Variants in DRC11 observed in about 807,000 individuals in gnomAD.
The protein encoded by DRC11 is IQ and AAA domain-containing protein 1.
At chr2:236,431,808 A>G in the DRC11 span, among the ~76,000 whole-genome samples, 1 of 152,190 alleles carries the variant, frequency 6.6e-6, no homozygotes, top group Non-Finnish European at 1.5e-5. This position sits in a 1 kb window ranked among gnomAD's most constrained non-coding sequence, Gnocchi z 4.2. Context: ...TGGATATACC[A>G]TATTTTACCT....
the DRC11 span, among the ~76,000 whole-genome samples, chr2:236,330,556 A>T: frequency 4.4e-3 from 676 of 152,314 alleles, 4 homozygotes; most frequent in Non-Finnish European, 7.3e-3. This position sits in a 1 kb window ranked among gnomAD's most constrained non-coding sequence, Gnocchi z 5.5. Flanking sequence ...TGGAAAAGTG[A>T]TGTGTTGCAG....
the DRC11 span, among the ~76,000 whole-genome samples, chr2:236,468,844 G>A: frequency 6.6e-6 from 1 of 152,182 alleles, no homozygotes; most frequent in Non-Finnish European, 1.5e-5. Flanking sequence ...TATTAATAAT[G>A]TCACAATTAT....
chr2:236,459,680 T>TAC, the DRC11 span, among the ~76,000 whole-genome samples: 1 of 122,028 alleles, frequency 8.2e-6, no homozygotes, highest in Non-Finnish European at 1.9e-5. Context: ...TACGTATATA[T>TAC]GTATATACAT....
At chr2:236,357,025 ATATATT>A in the DRC11 span, among the ~76,000 whole-genome samples, 7 of 111,608 alleles carry the variant, frequency 6.3e-5, 2 homozygotes, top group South Asian at 2.4e-4. Flanking sequence ...TTATATATCT[ATATATT>A]TATATATTCA....
At chr2:236,492,298 A>C in the DRC11 span, among the ~76,000 whole-genome samples, 5 of 152,212 alleles carry the variant, frequency 3.3e-5, no homozygotes, top group Non-Finnish European at 7.3e-5. Flanking sequence ...GCAGGTATGT[A>C]AGGGAGAAGA....
At chr2:236,351,503 C>CTGT in the DRC11 span, among the ~76,000 whole-genome samples, 1 of 152,132 alleles carries the variant, frequency 6.6e-6, no homozygotes, top group African/African-American at 2.4e-5. This position sits in a 1 kb window ranked among gnomAD's most constrained non-coding sequence, Gnocchi z 7.3. Flanking sequence ...TGGAAGGGGT[C>CTGT]AGAAAAGTGC....
chr2:236,488,259 T>A, the DRC11 span: 1 of 1,169,354 alleles, frequency 8.6e-7, no homozygotes, highest in Non-Finnish European at 1.2e-6. Context: ...CCCAGACACA[T>A]CACATGCTTA....
chr2:236,380,526 G>A, the DRC11 span: 1 of 1,467,996 alleles, frequency 6.8e-7, no homozygotes, highest in Non-Finnish European at 9.3e-7. The surrounding 1 kb of genome is among the most constrained non-coding windows in gnomAD (Gnocchi z 4.9). Flanking sequence ...CTGTTCTCTG[G>A]GGCTGCTCAC....
chr2:236,503,702 G>C, the DRC11 span: 2 of 1,550,478 alleles, frequency 1.3e-6, no homozygotes, highest in Non-Finnish European at 1.7e-6. The surrounding 1 kb of genome is among the most constrained non-coding windows in gnomAD (Gnocchi z 4.9). Context: ...ACTGTCTCTG[G>C]CTTCCTGCTC....
the DRC11 span, among the ~76,000 whole-genome samples, chr2:236,506,831 T>A: frequency 0.067 from 10,241 of 152,272 alleles, 861 homozygotes; most frequent in African/African-American, 0.19. This position sits in a 1 kb window ranked among gnomAD's most constrained non-coding sequence, Gnocchi z 4.9. Flanking sequence ...AAAGCAAATG[T>A]CAATAATGCT....
At chr2:236,378,900 G>C in the DRC11 span, among the ~76,000 whole-genome samples, 1 of 152,116 alleles carries the variant, frequency 6.6e-6, no homozygotes, top group Non-Finnish European at 1.5e-5. Flanking sequence ...ACAGCATCTC[G>C]ACCTGGAACT....
At chr2:236,331,869 G>A in the DRC11 span, 19 of 429,176 alleles carry the variant, frequency 4.4e-5, no homozygotes, top group Admixed American at 5.5e-4. This position sits in a 1 kb window ranked among gnomAD's most constrained non-coding sequence, Gnocchi z 4.8. Flanking sequence ...ACCACCGTCA[G>A]TATAGTTTTA....
the DRC11 span, among the ~76,000 whole-genome samples, chr2:236,363,325 C>T: frequency 1.3e-5 from 2 of 152,200 alleles, no homozygotes; most frequent in Non-Finnish European, 2.9e-5. This position sits in a 1 kb window ranked among gnomAD's most constrained non-coding sequence, Gnocchi z 5.6. Flanking sequence ...CTTTACATTA[C>T]TCTGGTCGGC....
the DRC11 span, among the ~76,000 whole-genome samples, chr2:236,390,347 CTA>C: frequency 5.3e-5 from 8 of 152,094 alleles, no homozygotes; most frequent in African/African-American, 1.7e-4. This position sits in a 1 kb window ranked among gnomAD's most constrained non-coding sequence, Gnocchi z 5.9. Flanking sequence ...CACTTTCAGC[CTA>C]TGTGTCCCTA....
the DRC11 span, among the ~76,000 whole-genome samples, chr2:236,417,573 T>A: frequency 2.0e-5 from 3 of 150,984 alleles, no homozygotes; most frequent in Non-Finnish European, 3.0e-5. Flanking sequence ...TTTTTTTTTT[T>A]ATATTACTTT....
the DRC11 span, among the ~76,000 whole-genome samples, chr2:236,422,832 T>C: frequency 5.9e-5 from 9 of 151,604 alleles, no homozygotes; most frequent in Admixed American, 5.2e-4. Flanking sequence ...CAAAACAGCA[T>C]GGTACTGGTA....
At chr2:236,344,976 C>T in the DRC11 span, among the ~76,000 whole-genome samples, 2 of 149,730 alleles carry the variant, frequency 1.3e-5, no homozygotes, top group East Asian at 4.0e-4. Flanking sequence ...GTGTGCAGAG[C>T]CCTGGTTGTA....
At chr2:236,355,721 A>ATC in the DRC11 span, among the ~76,000 whole-genome samples, 6,373 of 147,870 alleles carry the variant, frequency 0.043, 203 homozygotes, top group East Asian at 0.17. Flanking sequence ...CTAATTGTAC[A>ATC]TCTCTCTCTC....
chr2:236,370,492 C>T, the DRC11 span, among the ~76,000 whole-genome samples: 116 of 152,174 alleles, frequency 7.6e-4, no homozygotes, highest in Middle Eastern at 0.01. This position sits in a 1 kb window ranked among gnomAD's most constrained non-coding sequence, Gnocchi z 5.5. Flanking sequence ...AGCGGGCATC[C>T]AGCCCCAGGC....
Sources: allele counts gnomAD v4.1 joint callset (sites outside exome capture counted in the v4.1 genomes callset), GRCh38; gene constraint gnomAD v4.1.1; non-coding constraint Gnocchi (gnomAD v3.1); transcripts MANE v1.5; gene names NCBI Gene and HGNC (gene_info 2026-07-23, HGNC 2026-07-21).